Variants in STRN observed in about 807,000 individuals in gnomAD.
STRN encodes the protein striatin.
Under a neutral mutation model 96.3 loss-of-function variants are expected in STRN, and 53 were observed. The observed-to-expected ratio is 0.55, with a 90% CI of 0.44 to 0.69. The LOEUF is 0.69. Ranked by LOEUF, STRN falls within the 30% of genes least tolerant of loss-of-function variation. The pLI, the probability that STRN is intolerant of heterozygous loss-of-function variation, is 0.00. For missense variants in STRN, 987 were observed against 963.9 expected, an observed-to-expected ratio of 1.02 and a Z score of -0.32; for synonymous variants, 428 against 355.9, an observed-to-expected ratio of 1.20 and a Z score of -2.28.
At chr2:36,957,742 G>GTTTTTTTGT (rs1158709835) in intron 1 of STRN, among the ~76,000 whole-genome samples, 1 of 103,132 alleles carries the variant, frequency 9.7e-6, no homozygotes, top group Non-Finnish European at 1.9e-5. Flanking sequence ...TCTTCTTTTT[G>GTTTTTTTGT]TCTTTTTTTT....
rs1558641334 is a variant in STRN at position 36,894,024 on chromosome 2, T to C, written c.805A>G (p.Lys269Glu). The C allele has an allele frequency of 6.2e-7, 1 of 1,611,146 alleles. No homozygotes were observed. The highest frequency in any genetic ancestry group is 8.5e-7 in the Non-Finnish European group (1 of 1,179,366). ...SVIDTSTIVR[K>E]KALPDSGEDR... ...TCACCGCTGTCAGGCAATGCTTTTT[T>C]CCTAACAATCTAATGAAAAAACATG... The change falls in exon 7 of 18, where the codon AAA becomes GAA. Residue 269 changes from lysine to glutamate, a missense_variant. Physicochemically the swap from Lys to Glu is moderately conservative, Grantham distance 56 (BLOSUM62 1). Coordinates refer to ENST00000263918, the MANE Select transcript of STRN (RefSeq NM_003162.4).
At chr2:36,946,797 GAACTAA>G (rs1441941775) in intron 1 of STRN, among the ~76,000 whole-genome samples, 3 of 152,014 alleles carry the variant, frequency 2.0e-5, no homozygotes, top group Non-Finnish European at 4.4e-5. Context: ...TTCCAAATAA[GAACTAA>G]AACTGTTTCT....
At chr2:36,962,675 A>AT (rs1330182732) in intron 1 of STRN, among the ~76,000 whole-genome samples, 1 of 151,934 alleles carries the variant, frequency 6.6e-6, no homozygotes, top group Non-Finnish European at 1.5e-5. Flanking sequence ...TGCTCAGCTA[A>AT]TTTTTGTATT....
At chr2:36,912,604 T>G (rs768517810) in intron 3 of STRN, among the ~76,000 whole-genome samples, 2 of 152,212 alleles carry the variant, frequency 1.3e-5, no homozygotes, top group Non-Finnish European at 2.9e-5. Context: ...ATGTCATTCC[T>G]CAGGGCTCCA....
Position 36,841,581 on chromosome 2 carries a change from A to C in STRN, c.*7875T>G, listed in dbSNP as rs1667952477. ...TAAAAGCATAGTCAAAACCATTCAA[A>C]AGAGAACTCACTCTGTAAAAACGAT... On this transcript the variant is annotated 3_prime_UTR_variant, in exon 18 of 18. Coordinates refer to ENST00000263918, the MANE Select transcript of STRN (RefSeq NM_003162.4). 1 of 152,234 alleles carries C rather than the reference A, an allele frequency of 6.6e-6. No homozygotes were observed. Among genetic ancestry groups the C allele is most frequent in the South Asian group, 2.1e-4 (1 of 4,838 alleles). The allele number at this position is 152,234 out of a possible 1,614,324, so 9.4% of individuals were successfully genotyped here. A position where few individuals can be genotyped will look rare whatever the true frequency, so the allele number is the denominator to read the frequency against.
chr2:36,906,463 C>CAATGAATGAATG (rs77063437), intron 3 of STRN, among the ~76,000 whole-genome samples: 38,996 of 149,722 alleles, frequency 0.26, 5,243 homozygotes, highest in East Asian at 0.39. Context: ...TGTCTCAAAA[C>CAATGAATGAATG]AATGAATGAA....
At chr2:36,880,753 G>C (rs1464869979) in intron 9 of STRN, among the ~76,000 whole-genome samples, 1 of 152,120 alleles carries the variant, frequency 6.6e-6, no homozygotes, top group African/African-American at 2.4e-5. Context: ...TGTTTGATTT[G>C]TTCCCATTTC....
intron 2 of STRN, among the ~76,000 whole-genome samples, chr2:36,917,953 A>T (rs1047991808): frequency 6.6e-6 from 1 of 152,198 alleles, no homozygotes; most frequent in Non-Finnish European, 1.5e-5. Flanking sequence ...GCCTATGCAT[A>T]TGAATCTTTC....
In STRN at chr2:36,843,230, T is replaced by A. The variant is rs1417526479; in HGVS notation, c.*6226A>T. Among the ~76,000 whole-genome samples the A allele has an allele frequency of 6.6e-6, 1 of 152,024 alleles. No homozygotes were observed. ...TACCAGCATACAGAACACCAAACAA[T>A]GGTGGATAGTTTCAAGGATATCAGA... On this transcript the variant is annotated 3_prime_UTR_variant, in exon 18 of 18. Coordinates refer to ENST00000263918, the MANE Select transcript of STRN (RefSeq NM_003162.4).
At chr2:36,859,535 A>G (rs1668425862) in intron 13 of STRN, among the ~76,000 whole-genome samples, 1 of 152,224 alleles carries the variant, frequency 6.6e-6, no homozygotes, top group South Asian at 2.1e-4. Flanking sequence ...TAGGATTTAC[A>G]GACAATGAAA....
At chr2:36,881,171 A>G (rs1436199689) in intron 9 of STRN, among the ~76,000 whole-genome samples, 4 of 141,212 alleles carry the variant, frequency 2.8e-5, no homozygotes, top group African/African-American at 5.4e-5. Context: ...TCTGTCACCC[A>G]GACTGAAGTG....
At chr2:36,894,407 T>C (rs932491783) in intron 6 of STRN, among the ~76,000 whole-genome samples, 3 of 152,210 alleles carry the variant, frequency 2.0e-5, no homozygotes, top group Non-Finnish European at 2.9e-5. Context: ...AAAATGTTGA[T>C]CTTTCAGAGT....
intron 9 of STRN, among the ~76,000 whole-genome samples, chr2:36,880,487 A>G (rs1234179540): frequency 6.6e-6 from 1 of 152,240 alleles, no homozygotes. Context: ...CAGTAGTGAC[A>G]AACTCTTAAA....
chr2:36,867,696 C>A, intron 12 of STRN, 118 bp downstream of exon 12: 1 of 593,222 alleles, frequency 1.7e-6, no homozygotes. Flanking sequence ...AATTCTTTTA[C>A]ATTAAAAAAA....
chr2:36,966,156 G>C, intron 1 of STRN, 74 bp downstream of exon 1: 1 of 1,365,890 alleles, frequency 7.3e-7, no homozygotes, highest in South Asian at 1.6e-5. Context: ...TGGGGGAGGG[G>C]GAGAAGGGTC....
At chr2:36,934,302 G>A (rs1290226602) in intron 1 of STRN, among the ~76,000 whole-genome samples, 1 of 152,036 alleles carries the variant, frequency 6.6e-6, no homozygotes, top group African/African-American at 2.4e-5. Context: ...GGATTCAAGT[G>A]AAATAAAACC....
chr2:36,881,503 T>C (rs1187179399), intron 9 of STRN, among the ~76,000 whole-genome samples: 2 of 152,234 alleles, frequency 1.3e-5, no homozygotes, highest in East Asian at 1.9e-4. Context: ...ATGAACATTC[T>C]TTCTGAAAGT....
At chr2:36,871,514 C>T (rs1259245261) in intron 10 of STRN, among the ~76,000 whole-genome samples, 2 of 152,258 alleles carry the variant, frequency 1.3e-5, no homozygotes, top group East Asian at 1.9e-4. Context: ...AATGAAATCA[C>T]CTAATGAACC....
At chr2:36,927,554 C>A in intron 1 of STRN, among the ~76,000 whole-genome samples, 1 of 144,984 alleles carries the variant, frequency 6.9e-6, no homozygotes, top group Admixed American at 7.1e-5. Context: ...CAGGGCCAGG[C>A]ATGGTAGCTA....
Sources: gnomAD v4.1 joint callset for allele counts (sites outside exome capture counted in the v4.1 genomes callset) on GRCh38, gnomAD v4.1.1 for gene constraint, MANE v1.5 for transcripts, NCBI Gene and HGNC (gene_info 2026-07-23, HGNC 2026-07-21) for gene names.